The following BAG6 variants were observed in gnomAD, a reference collection of about 807,000 sequenced individuals.
BAG6 encodes the protein large proline-rich protein BAG6.
A neutral mutation model predicts 121.0 loss-of-function variants in BAG6; 22 were observed. The ratio of observed to expected loss-of-function variants is 0.18; its 90% CI spans 0.13 to 0.26. The LOEUF is 0.26. BAG6 is among the 10% of genes least tolerant of loss of function. The pLI is 1.00. For synonymous variants in BAG6, 583 were observed against 584.6 expected, an observed-to-expected ratio of 1.00 and a Z score of 0.04; for missense variants, 1,233 against 1,537.7, an observed-to-expected ratio of 0.80 and a Z score of 3.31.
In BAG6 at chr6:31,649,307, G is replaced by A; in HGVS notation, c.315C>T (p.Ala105=). ...PSGASSGTGS[A]SATHGGGSPP... ...GGGATCCCCCACCATGAGTGGCTGAGGCAGACCCCGTCCCAGAAGATGCCC... is the reference window on the plus strand; with the variant it reads ...GGGATCCCCCACCATGAGTGGCTGAAGCAGACCCCGTCCCAGAAGATGCCC... Residue 105 remains alanine, a synonymous_variant, in exon 4 of 26, where the codon GCC becomes GCT. Coordinates refer to ENST00000676615, the MANE Select transcript of BAG6 (RefSeq NM_001387994.1). 2 of 1,613,386 alleles carry A rather than the reference G, an allele frequency of 1.2e-6. No homozygotes were observed. Among genetic ancestry groups the A allele is most frequent in the South Asian group, 1.1e-5 (1 of 91,078 alleles).
In BAG6 at chr6:31,640,705, C is replaced by G; in HGVS notation, c.2935-1G>C. 6.2e-7 allele frequency: 1 copy of G among 1,612,964 alleles called. No individual in the cohort carries two copies. Reference sequence around the variant, plus strand: ...CTTCCATTGGCTCCTCAGGAAGTGGCTGTGAAATTAAAGAACACCATACTT... The same window carrying G: ...CTTCCATTGGCTCCTCAGGAAGTGGGTGTGAAATTAAAGAACACCATACTT... On this transcript the variant is annotated splice_acceptor_variant, in intron 21 of 25. Coordinates refer to ENST00000676615, the MANE Select transcript of BAG6 (RefSeq NM_001387994.1). LOFTEE classifies it high-confidence loss of function. The surrounding 1 kb of genome is among the most constrained non-coding windows in gnomAD (Gnocchi z 4.2).
chr6:31,649,325 A>T lies in BAG6; in HGVS notation c.297T>A (p.Ser99=). The T allele has an allele frequency of 6.2e-7, 1 of 1,613,484 alleles. No homozygotes were observed. Among genetic ancestry groups the T allele is most frequent in the South Asian group, 1.1e-5 (1 of 91,056 alleles). Reference sequence around the variant, plus strand: ...TGGCTGAGGCAGACCCCGTCCCAGAAGATGCCCCAGAAGGGAGGTGAGTCT... The same window carrying T: ...TGGCTGAGGCAGACCCCGTCCCAGATGATGCCCCAGAAGGGAGGTGAGTCT... ...PPQTHLPSGA[S]SGTGSASATH... Residue 99 remains serine (S), a synonymous_variant, in exon 4 of 26, where the codon TCT becomes TCA. Coordinates refer to ENST00000676615, the MANE Select transcript of BAG6 (RefSeq NM_001387994.1).
chr6:31,643,735 A>AAAAAAAAAAAAG (rs1785466484), intron 14 of BAG6, among the ~76,000 whole-genome samples, 155 bp downstream of exon 14: 3 of 150,242 alleles, frequency 2.0e-5, no homozygotes, highest in African/African-American at 4.9e-5. Context: ...AAAAAAAAAA[A>AAAAAAAAAAAAG]AAAAAAAAAA....
intron 14 of BAG6, 139 bp from the exon 15 acceptor site, chr6:31,643,254 GA>G (rs370688781): frequency 0.018 from 10,333 of 562,806 alleles, no homozygotes; most frequent in South Asian, 0.031. Flanking sequence ...ATCTCTACCA[GA>G]AAAAAAAAAA....
At position 31,645,486 on chromosome 6, in the gene BAG6, G is replaced by A; in HGVS notation, c.1037C>T (p.Pro346Leu). The change falls in exon 9 of 26, where the codon CCA becomes CTA. Residue 346 changes from proline to leucine, a missense_variant. By Grantham distance (98) the Pro-to-Leu change is moderately conservative. Transcript: ENST00000676615. ...DLRCNLACTP[P>L]RHLHVVRPMS... ...AGGCCGGACCACATGCAGGTGTCGT[G>A]GGGGCGTGCAGGCCAGATTGCAGCG... The A allele has an allele frequency of 6.2e-7, 1 of 1,613,118 alleles. No individual in the cohort carries two copies. The highest frequency in any genetic ancestry group is 1.1e-5 in the South Asian group (1 of 91,082).
At chr6:31,651,558 A>G in intron 2 of BAG6, 98 bp downstream of exon 2, 1 of 1,132,564 alleles carries the variant, frequency 8.8e-7, no homozygotes, top group Non-Finnish European at 1.3e-6. Flanking sequence ...AAAAAAAAAG[A>G]AAATCTGGTG....
rs762310540 is a variant in BAG6, at chr6:31,639,083, A to G, written c.*48T>C. 13 of 1,479,984 alleles carry G rather than the reference A, an allele frequency of 8.8e-6. No homozygotes were observed. Among genetic ancestry groups the G allele is most frequent in the African/African-American group, 1.4e-5 (1 of 70,686 alleles). 91.7% of individuals were successfully genotyped at this position (1,479,984 alleles called of 1,614,324 possible). On this transcript the variant is annotated 3_prime_UTR_variant, in exon 26 of 26. Coordinates refer to ENST00000676615, the MANE Select transcript of BAG6 (RefSeq NM_001387994.1). ...TTTATTTCTTAAATACTGTGAAGGA[A>G]GAGGGGGGAAACGGTCCCCTGATGA...
At chr6:31,649,741 G>A (rs926415894) in intron 2 of BAG6, 114 bp from the exon 3 acceptor site, 25 of 840,632 alleles carry the variant, frequency 3.0e-5, no homozygotes, top group East Asian at 7.3e-5. Context: ...ATCACTACCC[G>A]TTTGTCTTGA....
In BAG6 at chr6:31,641,679, G is replaced by C; in HGVS notation, c.2506-87C>G. On this transcript the variant is annotated intron_variant, in intron 17 of 25. Transcript: ENST00000676615. The surrounding 1 kb of genome is among the most constrained non-coding windows in gnomAD (Gnocchi z 5.7). ...ACCCCAACAAGTCCAGGGCTTGTGT[G>C]GGGGCAATTGGAGCTTTACCTGGCA... 1.2e-6 allele frequency: 2 copies of C among 1,609,904 alleles called. No homozygotes were observed. The highest frequency in any genetic ancestry group is 2.2e-5 in the South Asian group (2 of 90,990).
At position 31,645,135 on chromosome 6, in the gene BAG6, C is replaced by G. The variant is rs1433176509; in HGVS notation, c.1180G>C (p.Ala394Pro). The G allele has an allele frequency of 6.2e-7, 1 of 1,612,956 alleles. No individual in the cohort carries two copies. Among genetic ancestry groups the G allele is most frequent in the South Asian group, 1.1e-5 (1 of 91,078 alleles). ...CCAGGACCAGGGGGAGGTGCCTCTG[C>G]ATTGGGAGTTGGGGGGGGCCGAGTC... ...NGTRPPPTPN[A>P]EAPPPGPGQA... The change falls in exon 10 of 26, where the codon GCA becomes CCA. Residue 394 changes from alanine (A) to proline (P), a missense_variant. Ala to Pro is a conservative substitution (Grantham distance 27, BLOSUM62 -1). Coordinates refer to ENST00000676615, the MANE Select transcript of BAG6 (RefSeq NM_001387994.1).
rs899428586 is a variant in BAG6, at chr6:31,644,869, AC to A, written c.1369+76del. The A allele has an allele frequency of 5.9e-6, 9 of 1,531,160 alleles. No individual in the cohort carries two copies. In the African/African-American group the frequency reaches 1.1e-4, roughly 19 times the overall value. 94.8% of individuals were successfully genotyped at this position (1,531,160 alleles called of 1,614,324 possible). On this transcript the variant is annotated intron_variant, in intron 10 of 25. Coordinates refer to ENST00000676615, the MANE Select transcript of BAG6 (RefSeq NM_001387994.1). The surrounding 1 kb of genome is among the most constrained non-coding windows in gnomAD (Gnocchi z 4.9). ...ACCAGCATGTGCCTCTCCCTTCCCC[AC>A]CCTGTTCCCTCACACCTCAGCATGA...
chr6:31,646,371 G>C, intron 8 of BAG6, 23 bp downstream of exon 8: 1 of 1,610,524 alleles, frequency 6.2e-7, no homozygotes, highest in Middle Eastern at 1.7e-4. Context: ...GAGGAGAAAG[G>C]GCAGGGCCAT....
rs747854030 is a variant in BAG6 at position 31,644,455 on chromosome 6, T to A, written c.1448-41A>T. On this transcript the variant is annotated intron_variant, in intron 11 of 25. Coordinates refer to ENST00000676615, the MANE Select transcript of BAG6 (RefSeq NM_001387994.1). This position sits in a 1 kb window ranked among gnomAD's most constrained non-coding sequence, Gnocchi z 4.9. The stretch of plus-strand genomic sequence containing the variant: ...GATGTAACCTTGAACCTGGACCCCT[T>A]CAACCCACCCACTCAGCCCTTCCCT... 1 of 1,559,282 alleles carries A rather than the reference T, an allele frequency of 6.4e-7. No homozygotes were observed. The highest frequency in any genetic ancestry group is 2.3e-5 in the East Asian group (1 of 43,126).
In BAG6 at chr6:31,641,876, T is replaced by C. The variant is rs1783182362; in HGVS notation, c.2405A>G (p.His802Arg). 6.2e-7 allele frequency: 1 copy of C among 1,612,762 alleles called. No individual in the cohort carries two copies. Among genetic ancestry groups the C allele is most frequent in the African/African-American group, 1.3e-5 (1 of 74,828 alleles). ...CCGTTGTAGTGGCTGGAAATGCCCA[T>C]GGAGAAGCATCACTACGTCCACCAT... is the stretch of plus-strand genomic sequence containing the variant. ...FSMVDVVMLL[H>R]GHFQPLQRLQ... is the part of the protein sequence containing the mutation. Residue 802 changes from histidine (H) to arginine (R), a missense_variant, in exon 17 of 26, where the codon CAT becomes CGT. Physicochemically the swap from His to Arg is conservative, Grantham distance 29. Around this residue, in one of 7 missense-constraint regions of BAG6, gnomAD observed 288 missense variants for 483.1 expected, o/e 0.60. Coordinates refer to ENST00000676615, the MANE Select transcript of BAG6 (RefSeq NM_001387994.1). The surrounding 1 kb of genome is among the most constrained non-coding windows in gnomAD (Gnocchi z 5.7).
rs1386851739 is a variant in BAG6, at chr6:31,641,489, C to G, written c.2559+50G>C. ...ATAAGACTGGGAGTGGAGGAGGCAG[C>G]TGCCTTGACCAGACCCAGGAGAGGA... On this transcript the variant is annotated intron_variant, in intron 18 of 25. Coordinates refer to ENST00000676615, the MANE Select transcript of BAG6 (RefSeq NM_001387994.1). The surrounding 1 kb of genome is among the most constrained non-coding windows in gnomAD (Gnocchi z 5.7). The G allele has an allele frequency of 6.2e-7, 1 of 1,613,962 alleles. No homozygotes were observed. The highest frequency in any genetic ancestry group is 8.5e-7 in the Non-Finnish European group (1 of 1,179,826).
Position 31,643,721 on chromosome 6 carries a change from C to CAAAA in BAG6, c.1756+165_1756+168dup, listed in dbSNP as rs9281540. On this transcript the variant is annotated intron_variant, in intron 14 of 25. Transcript: ENST00000676615. ...CTAGCAACAGAGTGAGACTCCATCTCAAAAAAAAAAAAAAAAAAAAAAAAA... is the reference window on the plus strand; with the variant it reads ...CTAGCAACAGAGTGAGACTCCATCTCAAAAAAAAAAAAAAAAAAAAAAAAAAAAA... Among the ~76,000 whole-genome samples, 224 of 66,242 alleles carry CAAAA rather than the reference C, an allele frequency of 3.4e-3. 12 individuals carry two copies. The highest frequency in any genetic ancestry group is 4.6e-3 in the African/African-American group (43 of 9,372). 43.5% of individuals were successfully genotyped at this position (66,242 alleles called of 152,430 possible). A position where few individuals can be genotyped will look rare whatever the true frequency, so the allele number is the denominator to read the frequency against.
chr6:31,641,618 G>C lies in BAG6; in HGVS notation c.2506-26C>G, dbSNP rs1782870441. The C allele has an allele frequency of 6.2e-7, 1 of 1,613,950 alleles. No homozygotes were observed. The highest frequency in any genetic ancestry group is 1.3e-5 in the African/African-American group (1 of 74,934). The stretch of plus-strand genomic sequence containing the variant: ...CTGTGGAGGAAACAGAACAGGTTTA[G>C]TTCAAAGCCTCAGTCCTCCCAAGAC... On this transcript the variant is annotated intron_variant, in intron 17 of 25. Coordinates refer to ENST00000676615, the MANE Select transcript of BAG6 (RefSeq NM_001387994.1). The surrounding 1 kb of genome is among the most constrained non-coding windows in gnomAD (Gnocchi z 5.7).
chr6:31,647,424 C>G (rs1308305173), intron 7 of BAG6, among the ~76,000 whole-genome samples, 167 bp downstream of exon 7: 1 of 152,206 alleles, frequency 6.6e-6, no homozygotes, highest in Non-Finnish European at 1.5e-5. Context: ...AGCTGCCTGT[C>G]CTAGCGTCAT....
intron 7 of BAG6, among the ~76,000 whole-genome samples, chr6:31,646,766 G>GTTTTT (rs66820473): frequency 8.9e-4 from 54 of 60,648 alleles, no homozygotes; most frequent in East Asian, 1.5e-3. Context: ...GCTAATTTTT[G>GTTTTT]TTTTTTTTTT....
Sources: gnomAD v4.1 joint callset for allele counts (sites outside exome capture counted in the v4.1 genomes callset) on GRCh38, gnomAD v4.1.1 for gene constraint, gnomAD v4.1.1 regional missense constraint, Gnocchi (gnomAD v3.1) non-coding constraint, MANE v1.5 for transcripts, NCBI Gene and HGNC (gene_info 2026-07-23, HGNC 2026-07-21) for gene names.